Variants in ARHGEF4 observed in about 807,000 individuals in gnomAD.
ARHGEF4 encodes the protein APC-stimulated guanine nucleotide exchange factor 1.
A neutral mutation model predicts 162.0 loss-of-function variants in ARHGEF4; 119 were observed. The ratio of observed to expected loss-of-function variants is 0.73; its 90% CI spans 0.63 to 0.86. The LOEUF (loss-of-function observed/expected upper bound fraction) is 0.86. Among genes scored for constraint, ARHGEF4 ranks in the 40% least tolerant of loss-of-function variants. ARHGEF4 has a pLI of 0.00. For missense variants in ARHGEF4, 2,488 were observed against 2,456.0 expected, an observed-to-expected ratio of 1.01 and a Z score of -0.28; for synonymous variants, 1,014 against 979.9, an observed-to-expected ratio of 1.03 and a Z score of -0.65.
At chr2:130,864,833 G>A (rs1682154940) in intron 1 of ARHGEF4, among the ~76,000 whole-genome samples, 2 of 152,208 alleles carry the variant, frequency 1.3e-5, no homozygotes, top group African/African-American at 2.4e-5. Flanking sequence ...ACATTCAATT[G>A]TCTACTTTAA....
chr2:131,008,365 A>G (rs1222503301), intron 4 of ARHGEF4, among the ~76,000 whole-genome samples: 4 of 152,344 alleles, frequency 2.6e-5, no homozygotes, highest in Middle Eastern at 3.4e-3. Context: ...TTCTTGAAGT[A>G]TAATACACAT....
chr2:130,855,150 C>G (rs1681684021), intron 1 of ARHGEF4, among the ~76,000 whole-genome samples: 1 of 151,976 alleles, frequency 6.6e-6, no homozygotes, highest in South Asian at 2.1e-4. Context: ...GCTGGGATTA[C>G]AGACGTGAGC....
chr2:130,998,063 A>G (rs1687519743), intron 4 of ARHGEF4, among the ~76,000 whole-genome samples: 1 of 152,202 alleles, frequency 6.6e-6, no homozygotes, highest in African/African-American at 2.4e-5. Context: ...CTCTGACCTC[A>G]GAGACCCCTT....
At chr2:130,927,968 C>T (rs35423307) in intron 2 of ARHGEF4, among the ~76,000 whole-genome samples, 12,538 of 152,020 alleles carry the variant, frequency 0.082, 569 homozygotes, top group Non-Finnish European at 0.11. Context: ...CCTTTTTCTT[C>T]TTCAGGTTAT....
At chr2:130,853,215 G>T (rs1681536491) in intron 1 of ARHGEF4, among the ~76,000 whole-genome samples, 1 of 152,176 alleles carries the variant, frequency 6.6e-6, no homozygotes, top group Admixed American at 6.5e-5. Flanking sequence ...CACAGTGCGG[G>T]TTAGCTACTG....
chr2:130,969,957 A>C (rs1266024434), intron 4 of ARHGEF4, among the ~76,000 whole-genome samples: 1 of 152,120 alleles, frequency 6.6e-6, no homozygotes, highest in East Asian at 1.9e-4. Flanking sequence ...ATGTTGTTGC[A>C]TTTATCCTTA....
At chr2:130,967,918 C>T (rs1685104295) in intron 4 of ARHGEF4, among the ~76,000 whole-genome samples, 1 of 152,230 alleles carries the variant, frequency 6.6e-6, no homozygotes, top group Non-Finnish European at 1.5e-5. Context: ...ATGGACGATG[C>T]TTCAGTCACT....
chr2:130,986,336 G>C (rs1686497209), intron 4 of ARHGEF4, among the ~76,000 whole-genome samples: 1 of 152,214 alleles, frequency 6.6e-6, no homozygotes, highest in African/African-American at 2.4e-5. Flanking sequence ...GAGAGGCCTA[G>C]TGTCTGCACT....
intron 12 of ARHGEF4, among the ~76,000 whole-genome samples, chr2:131,044,801 AGTT>A (rs1157097581): frequency 6.6e-6 from 1 of 152,268 alleles, no homozygotes; most frequent in Non-Finnish European, 1.5e-5. Context: ...GCTTTTGGGG[AGTT>A]GTTTCACTAC....
chr2:130,991,282 C>T (rs1410178309), intron 4 of ARHGEF4, among the ~76,000 whole-genome samples: 1 of 152,274 alleles, frequency 6.6e-6, no homozygotes, highest in East Asian at 1.9e-4. Flanking sequence ...TGACAGAGTG[C>T]TGGCAGTCCT....
intron 4 of ARHGEF4, among the ~76,000 whole-genome samples, chr2:130,981,254 G>A (rs1364163356): frequency 6.6e-6 from 1 of 152,120 alleles, no homozygotes; most frequent in African/African-American, 2.4e-5. Flanking sequence ...TGCTAGAAAT[G>A]CATAGGAAAC....
intron 1 of ARHGEF4, among the ~76,000 whole-genome samples, chr2:130,839,347 G>C (rs1680443918): frequency 6.6e-6 from 1 of 152,154 alleles, no homozygotes; most frequent in African/African-American, 2.4e-5. Context: ...GCTGGACTGG[G>C]CCAGAAAAGG....
chr2:130,856,415 A>T (rs1225783699), intron 1 of ARHGEF4, among the ~76,000 whole-genome samples: 1 of 152,258 alleles, frequency 6.6e-6, no homozygotes, highest in East Asian at 1.9e-4. Context: ...AGGTAGAATA[A>T]AATAATTCCC....
intron 1 of ARHGEF4, among the ~76,000 whole-genome samples, chr2:130,870,645 C>G (rs1374054862): frequency 6.6e-6 from 1 of 152,048 alleles, no homozygotes; most frequent in African/African-American, 2.4e-5. Flanking sequence ...AGGGTGGAAA[C>G]CAAGGTCTTC....
chr2:130,966,894 T>C (rs1349912764), intron 4 of ARHGEF4, among the ~76,000 whole-genome samples: 1 of 152,222 alleles, frequency 6.6e-6, no homozygotes, highest in Non-Finnish European at 1.5e-5. Flanking sequence ...CGCCATTGAT[T>C]GCACATTGTG....
chr2:131,023,433 A>T (rs1689275104), intron 4 of ARHGEF4, among the ~76,000 whole-genome samples: 2 of 152,018 alleles, frequency 1.3e-5, no homozygotes, highest in South Asian at 2.1e-4. Flanking sequence ...ACCTCATCTT[A>T]AAAAAAATAG....
At chr2:130,876,780 G>A (rs992649853) in intron 1 of ARHGEF4, among the ~76,000 whole-genome samples, 4 of 152,198 alleles carry the variant, frequency 2.6e-5, no homozygotes, top group African/African-American at 7.2e-5. Flanking sequence ...AACTTGCCCA[G>A]CTAACTAGAG....
At chr2:131,001,328 A>AAAC (rs1687752614) in intron 4 of ARHGEF4, among the ~76,000 whole-genome samples, 1 of 150,342 alleles carries the variant, frequency 6.7e-6, no homozygotes, top group Non-Finnish European at 1.5e-5. Context: ...AAAAAAAAAA[A>AAAC]CAGAAAGAGC....
At position 130,947,410 on chromosome 2, in the gene ARHGEF4, A is replaced by G. The variant is rs149467576; in HGVS notation, c.3985+775A>G. On this transcript the variant is annotated intron_variant, in intron 4 of 13. Transcript: ENST00000409359. Reference sequence around the variant, plus strand: ...CTCCGTCTCAAGAAAAAATAAAAAAAGGAATTCCTAGAGTCCCCCAGCTTG... The same window carrying G: ...CTCCGTCTCAAGAAAAAATAAAAAAGGGAATTCCTAGAGTCCCCCAGCTTG... 3.4e-4 allele frequency among the ~76,000 whole-genome samples: 52 copies of G among 152,202 alleles called. No individual in the cohort carries two copies. In the East Asian group the frequency reaches 9.9e-3, roughly 29 times the overall value.
Sources: gnomAD v4.1 joint callset for allele counts (sites outside exome capture counted in the v4.1 genomes callset) on GRCh38, gnomAD v4.1.1 for gene constraint, MANE v1.5 for transcripts, NCBI Gene and HGNC (gene_info 2026-07-23, HGNC 2026-07-21) for gene names.